Variants in NELL1 observed in about 807,000 individuals in gnomAD.
NELL1 encodes the protein neural EGFL like 1, also known as protein kinase C-binding protein NELL1.
In NELL1, 76 loss-of-function variants were observed where a neutral mutation model predicts 107.4. That is an observed-to-expected ratio of 0.71 (90% CI 0.59 to 0.86). The LOEUF (loss-of-function observed/expected upper bound fraction) is 0.86, where lower values mean the gene tolerates loss of function less well. Among genes scored for constraint, NELL1 ranks in the 40% least tolerant of loss-of-function variants. The pLI is 0.00. For missense variants in NELL1, 1,024 were observed against 1,005.5 expected (o/e 1.02, Z -0.25); for synonymous variants, 353 against 341.2 (o/e 1.03, Z -0.38).
intron 2 of NELL1, among the ~76,000 whole-genome samples, chr11:20,690,714 C>T (rs1348128114): frequency 6.6e-6 from 1 of 151,954 alleles, no homozygotes; most frequent in African/African-American, 2.4e-5. Flanking sequence ...AGTCAGGTAG[C>T]ATGATGCCTC....
intron 15 of NELL1, among the ~76,000 whole-genome samples, chr11:21,515,679 T>G (rs1324666653): frequency 6.6e-6 from 1 of 152,158 alleles, no homozygotes; most frequent in Non-Finnish European, 1.5e-5. Context: ...CCATTACGGT[T>G]CCATGCTGCA....
chr11:21,503,531 C>A (rs574112386), intron 15 of NELL1, among the ~76,000 whole-genome samples: 1 of 152,256 alleles, frequency 6.6e-6, no homozygotes, highest in South Asian at 2.1e-4. Context: ...ATTTCCTCAT[C>A]TTTGAAATGG....
chr11:20,689,886 G>A (rs1357527999), intron 2 of NELL1, among the ~76,000 whole-genome samples: 2 of 151,154 alleles, frequency 1.3e-5, no homozygotes, highest in African/African-American at 4.9e-5. Context: ...GGTTGAACTA[G>A]TTTACAGTCC....
chr11:20,698,284 G>A (rs1414009612), intron 2 of NELL1, among the ~76,000 whole-genome samples: 2 of 152,076 alleles, frequency 1.3e-5, no homozygotes, highest in African/African-American at 4.8e-5. Context: ...ATCATTAAAT[G>A]GCTTTGTGAT....
intron 1 of NELL1, chr11:20,674,370 A>G (rs934908965): frequency 4.0e-6 from 3 of 747,782 alleles, no homozygotes; most frequent in East Asian, 2.7e-5. Context: ...GGCACCACCT[A>G]TGTGCCAGAT....
chr11:21,454,845 A>G (rs1385215004), intron 15 of NELL1, among the ~76,000 whole-genome samples: 1 of 152,222 alleles, frequency 6.6e-6, no homozygotes, highest in African/African-American at 2.4e-5. Flanking sequence ...CCTTCGTGAC[A>G]TCATCTAAAC....
rs549212186 is a variant in NELL1 at position 20,872,171 on chromosome 11, A to ATT, written c.507-13255_507-13254dup. On this transcript the variant is annotated intron_variant, in intron 4 of 19. Coordinates refer to ENST00000357134, the MANE Select transcript of NELL1 (RefSeq NM_006157.5). ...ATACCAAATGAGTCCTCTATCAGAG[A>ATT]TTTTTTTTTTTTTTTTTTTGGAGAC... Among the ~76,000 whole-genome samples, 797 of 103,926 alleles carry ATT rather than the reference A, an allele frequency of 7.7e-3. 19 individuals carry two copies. Among genetic ancestry groups the ATT allele is most frequent in the African/African-American group, 0.021 (647 of 30,722 alleles). 68.2% of individuals were successfully genotyped at this position (103,926 alleles called of 152,430 possible).
chr11:20,810,143 A>G (rs905901779), intron 3 of NELL1, among the ~76,000 whole-genome samples: 4 of 151,838 alleles, frequency 2.6e-5, no homozygotes, highest in Admixed American at 2.6e-4. Flanking sequence ...AGCCATTTGT[A>G]TGCAAATTTG....
chr11:21,450,861 T>C (rs1230375401), intron 15 of NELL1, among the ~76,000 whole-genome samples: 4 of 152,214 alleles, frequency 2.6e-5, no homozygotes, highest in African/African-American at 9.6e-5. Context: ...AATGCATACA[T>C]TTTATTAAAT....
intron 14 of NELL1, among the ~76,000 whole-genome samples, chr11:21,331,308 G>A (rs1335030617): frequency 1.3e-5 from 2 of 151,664 alleles, no homozygotes; most frequent in African/African-American, 4.8e-5. Flanking sequence ...AGAACAGTAG[G>A]CATTTTAGAT....
Position 20,722,272 on chromosome 11 carries a change from C to T in NELL1, c.184+44212C>T, listed in dbSNP as rs112325143. Among the ~76,000 whole-genome samples, 388 of 152,278 alleles carry T rather than the reference C, an allele frequency of 2.5e-3. 3 individuals are homozygous for T. Among genetic ancestry groups the T allele is most frequent in the Non-Finnish European group, 4.6e-3 (315 of 68,024 alleles). ...CTGACCTCAAGTGATCTACTTGCCT[C>T]AGCCTTCCAAAGTGCTGGGATTACA... is the stretch of plus-strand genomic sequence containing the variant. On this transcript the variant is annotated intron_variant, in intron 2 of 19. Transcript: ENST00000357134.
At chr11:21,522,245 A>C (rs1020062363) in intron 15 of NELL1, among the ~76,000 whole-genome samples, 1 of 151,954 alleles carries the variant, frequency 6.6e-6, no homozygotes, top group Non-Finnish European at 1.5e-5. Flanking sequence ...AAAAAAAAAA[A>C]AACAAACAAA....
intron 3 of NELL1, among the ~76,000 whole-genome samples, chr11:20,813,789 C>G (rs1428000143): frequency 2.6e-5 from 4 of 152,110 alleles, no homozygotes; most frequent in Non-Finnish European, 4.4e-5. Flanking sequence ...TAAGTGGTAT[C>G]AGCTTTCAGG....
At chr11:20,948,974 A>G (rs1851020411) in intron 11 of NELL1, among the ~76,000 whole-genome samples, 2 of 151,974 alleles carry the variant, frequency 1.3e-5, no homozygotes, top group South Asian at 4.1e-4. Context: ...TCTTTTCTGT[A>G]GCAGAGGGGT....
At chr11:21,519,041 A>T (rs967876864) in intron 15 of NELL1, among the ~76,000 whole-genome samples, 16 of 152,178 alleles carry the variant, frequency 1.1e-4, no homozygotes, top group African/African-American at 3.9e-4. Context: ...TTTAATTGGA[A>T]TTTTTCCCAT....
At position 21,519,013 on chromosome 11, in the gene NELL1, A is replaced by C. The variant is rs143167187; in HGVS notation, c.1646-15361A>C. ...AGCAGCTCAATGACATCAAAGGCCT[A>C]GTTTGGTATTTCTGTGATTTAATTG... is the stretch of plus-strand genomic sequence containing the variant. On this transcript the variant is annotated intron_variant, in intron 15 of 19. Coordinates refer to ENST00000357134, the MANE Select transcript of NELL1 (RefSeq NM_006157.5). Among the ~76,000 whole-genome samples the C allele has an allele frequency of 6.8e-3, 1,029 of 152,296 alleles. 11 individuals are homozygous for C. The highest frequency in any genetic ancestry group is 0.023 in the African/African-American group (975 of 41,564).
intron 12 of NELL1, among the ~76,000 whole-genome samples, chr11:21,098,315 ACAGTTC>A (rs962075255): frequency 2.0e-5 from 3 of 152,020 alleles, no homozygotes; most frequent in Non-Finnish European, 4.4e-5. Flanking sequence ...CCTTCTTGTG[ACAGTTC>A]CATGCATATT....
At chr11:21,394,456 G>A (rs1564873571) in intron 15 of NELL1, among the ~76,000 whole-genome samples, 1 of 151,254 alleles carries the variant, frequency 6.6e-6, no homozygotes, top group Non-Finnish European at 1.5e-5. Flanking sequence ...ATATGGCCGT[G>A]TGTGTGTGTG....
intron 13 of NELL1, among the ~76,000 whole-genome samples, chr11:21,157,432 A>G (rs1200234313): frequency 2.0e-5 from 3 of 152,178 alleles, no homozygotes; most frequent in Admixed American, 6.5e-5. Context: ...TATTTGTTGA[A>G]TGAATTAAAA....
Sources: gnomAD v4.1 joint callset for allele counts (sites outside exome capture counted in the v4.1 genomes callset) on GRCh38, gnomAD v4.1.1 for gene constraint, MANE v1.5 for transcripts, NCBI Gene and HGNC (gene_info 2026-07-23, HGNC 2026-07-21) for gene names.